Variants in RIOK2 observed in about 807,000 individuals in gnomAD.
The protein encoded by RIOK2 is RIO kinase 2.
In RIOK2, 46 loss-of-function variants were observed where a neutral mutation model predicts 62.4. The ratio of observed to expected loss-of-function variants is 0.74; its 90% CI spans 0.58 to 0.94. RIOK2 has a LOEUF of 0.94. Among genes scored for constraint, RIOK2 ranks in the 40% least tolerant of loss-of-function variants. The pLI, the probability that RIOK2 is intolerant of heterozygous loss-of-function variation, is 0.00. For synonymous variants in RIOK2, 197 were observed against 216.0 expected (o/e 0.91, Z 0.77); for missense variants, 574 against 658.0 (o/e 0.87, Z 1.40).
intron 2 of RIOK2, 36 bp downstream of exon 2, chr5:97,179,019 C>T (rs553195725): frequency 1.9e-6 from 3 of 1,612,822 alleles, no homozygotes; most frequent in Admixed American, 3.3e-5. Flanking sequence ...AAACCAATTA[C>T]CTGAAAAATC....
rs1749003917 is a variant in RIOK2, at chr5:97,171,368, G to A, written c.617C>T (p.Ala206Val). ...TTCCATAGCTTCATCATATACTGATGCAGGATCTTCAACATGGTGTATCTG... is the reference window on the plus strand; with the variant it reads ...TTCCATAGCTTCATCATATACTGATACAGGATCTTCAACATGGTGTATCTG... ...LCQIHHVEDPASVYDEAMELI... is the reference protein window; with the variant it reads ...LCQIHHVEDPVSVYDEAMELI... The change falls in exon 6 of 10, where the codon GCA becomes GTA. Residue 206 changes from alanine to valine, a missense_variant. By Grantham distance (64) the Ala-to-Val change is moderately conservative. Coordinates refer to ENST00000283109, the MANE Select transcript of RIOK2 (RefSeq NM_018343.3). The A allele has an allele frequency of 6.4e-7, 1 of 1,560,414 alleles. No individual in the cohort carries two copies. The highest frequency in any genetic ancestry group is 8.7e-7 in the Non-Finnish European group (1 of 1,153,122).
intron 4 of RIOK2, among the ~76,000 whole-genome samples, chr5:97,176,587 C>T (rs1180031260): frequency 3.3e-5 from 5 of 152,164 alleles, no homozygotes; most frequent in Admixed American, 6.5e-5. Flanking sequence ...CCGCCCACCT[C>T]GGCTTCCCAA....
rs1421421154 is a variant in RIOK2, at chr5:97,182,787, G to C, written c.66+339C>G. On this transcript the variant is annotated intron_variant, in intron 1 of 9. Transcript: ENST00000283109. Reference sequence around the variant, plus strand: ...CAATATTATCAAATCTCGGGGGGGGGGGGGGGCTTAAACCTTTCACAGCTG... The same window carrying C: ...CAATATTATCAAATCTCGGGGGGGGCGGGGGGCTTAAACCTTTCACAGCTG... 19 of 228,628 alleles carry C rather than the reference G, an allele frequency of 8.3e-5. 1 individual carries two copies. The highest frequency in any genetic ancestry group is 3.4e-4 in the African/African-American group (14 of 40,730). The allele number at this position is 228,628 out of a possible 1,614,324, so 14.2% of individuals were successfully genotyped here. A position where few individuals can be genotyped will look rare whatever the true frequency, so the allele number is the denominator to read the frequency against.
At chr5:97,174,281 G>A (rs940344063) in intron 4 of RIOK2, among the ~76,000 whole-genome samples, 2 of 152,130 alleles carry the variant, frequency 1.3e-5, no homozygotes, top group Non-Finnish European at 2.9e-5. Flanking sequence ...TTAGCCAGGC[G>A]TGGTGGCACA....
rs558320624 is a variant in RIOK2, at chr5:97,183,061, G to A, written c.66+65C>T. The A allele has an allele frequency of 8.3e-5, 129 of 1,556,698 alleles. 1 individual carries two copies. The East Asian group carries it at 2.8e-3, about 34-fold the overall frequency. ...TGCCTGCTCAGATCCCAGAAAACTT[G>A]CAGGAACAGGAAGAGGTCACACAGT... On this transcript the variant is annotated intron_variant, in intron 1 of 9. Transcript: ENST00000283109.
intron 4 of RIOK2, among the ~76,000 whole-genome samples, chr5:97,174,942 T>G (rs1247833217): frequency 6.6e-6 from 1 of 151,650 alleles, no homozygotes; most frequent in Non-Finnish European, 1.5e-5. Context: ...CCTGTGATCC[T>G]AGATACTTGG....
chr5:97,167,606 T>C lies in RIOK2; in HGVS notation c.1258A>G (p.Lys420Glu), dbSNP rs1041078418. ...NNSVTEFSEEKNRTENYNRQD... is the reference protein window; with the variant it reads ...NNSVTEFSEEENRTENYNRQD... ...CTGTTGTAATTTTCAGTTCTGTTTT[T>C]CTCCTCAGAAAATTCAGTTACAGAG... The change falls in exon 8 of 10, where the codon AAA becomes GAA. Residue 420 changes from lysine to glutamate, a missense_variant. Coordinates refer to ENST00000283109, the MANE Select transcript of RIOK2 (RefSeq NM_018343.3). 1.9e-6 allele frequency: 3 copies of C among 1,614,080 alleles called. No individual in the cohort carries two copies. The African/African-American group carries it at 4.0e-5, about 22-fold the overall frequency.
intron 1 of RIOK2, among the ~76,000 whole-genome samples, chr5:97,179,989 TAAAATATATATATATTA>T (rs1749302884): frequency 2.1e-5 from 1 of 46,736 alleles, no homozygotes; most frequent in Non-Finnish European, 3.8e-5. Context: ...TATATATATA[TAAAATATATATATATTA>T]TATATATATA....
In RIOK2 at chr5:97,171,205, C is replaced by A; in HGVS notation, c.779+1G>T. On this transcript the variant is annotated splice_donor_variant, in intron 6 of 9. Coordinates refer to ENST00000283109, the MANE Select transcript of RIOK2 (RefSeq NM_018343.3). LOFTEE classifies it high-confidence loss of function. ...AAAATAAAAAAATAGCAAGTACGTA[C>A]CACTCAGCATTGGGATGAGAAGTTG... 1 of 1,489,690 alleles carries A rather than the reference C, an allele frequency of 6.7e-7. No homozygotes were observed. The allele number at this position is 1,489,690 out of a possible 1,614,324, so 92.3% of individuals were successfully genotyped here.
Position 97,177,757 on chromosome 5 carries a change from G to T in RIOK2, c.297C>A (p.Asn99Lys). 1 of 1,610,574 alleles carries T rather than the reference G, an allele frequency of 6.2e-7. No homozygotes were observed. The highest frequency in any genetic ancestry group is 8.5e-7 in the Non-Finnish European group (1 of 1,177,042). ...CTGATTCTTTGCCAACACCCATCTG[G>T]TTTCCAACAGACTCAACTACTTGCC... ...SSRQVVESVG[N>K]QMGVGKESDI... The change falls in exon 3 of 10, where the codon AAC (asparagine) becomes AAA (lysine). Residue 99 changes from asparagine (N) to lysine (K), a missense_variant. By Grantham distance (94) the Asn-to-Lys change is moderately conservative (BLOSUM62 0). Transcript: ENST00000283109.
chr5:97,179,723 A>G (rs554537676), intron 1 of RIOK2, among the ~76,000 whole-genome samples: 11 of 147,420 alleles, frequency 7.5e-5, no homozygotes, highest in African/African-American at 2.8e-4. Flanking sequence ...CAGAAAACCA[A>G]ACACCACATT....
In RIOK2 at chr5:97,166,125, C is replaced by A. The variant is rs1580265744; in HGVS notation, c.1398-978G>T. 2.2e-5 allele frequency: 6 copies of A among 270,756 alleles called. No homozygotes were observed. The East Asian group carries it at 5.7e-4, about 26-fold the overall frequency. 16.8% of individuals were successfully genotyped at this position (270,756 alleles called of 1,614,324 possible). A position where few individuals can be genotyped will look rare whatever the true frequency, so the allele number is the denominator to read the frequency against. On this transcript the variant is annotated intron_variant, in intron 8 of 9. Transcript: ENST00000283109. ...CTTTGGATTTGGACTGGAACTGTAC[C>A]ATGGGCTCTCCTTGGTCTCTAGCTT...
chr5:97,167,259 A>C, intron 8 of RIOK2: 2 of 1,421,054 alleles, frequency 1.4e-6, no homozygotes. Flanking sequence ...CTTGAAATTT[A>C]GTCAATAGGC....
chr5:97,174,995 C>T (rs187122900), intron 4 of RIOK2, among the ~76,000 whole-genome samples: 1 of 151,844 alleles, frequency 6.6e-6, no homozygotes, highest in Admixed American at 6.6e-5. Flanking sequence ...GAGGTAGGGG[C>T]TGCAGTGAGC....
In RIOK2 at chr5:97,169,249, C is replaced by T. The variant is rs73778019; in HGVS notation, c.780-397G>A. The stretch of plus-strand genomic sequence containing the variant: ...CTATGCTTCTTATCAGCAACACTCA[C>T]TAGAACCCCTAGCCAACTGAAAGAT... On this transcript the variant is annotated intron_variant, in intron 6 of 9. Transcript: ENST00000283109. Among the ~76,000 whole-genome samples, 1,072 of 152,292 alleles carry T rather than the reference C, an allele frequency of 7.0e-3. 12 individuals carry two copies. The highest frequency in any genetic ancestry group is 0.025 in the African/African-American group (1,019 of 41,562).
intron 1 of RIOK2, among the ~76,000 whole-genome samples, chr5:97,179,977 AAT>A (rs1554083505): frequency 0.011 from 507 of 47,346 alleles, 49 homozygotes; most frequent in Non-Finnish European, 0.018. Flanking sequence ...ATATATATAT[AAT>A]ATATATATAT....
intron 6 of RIOK2, among the ~76,000 whole-genome samples, chr5:97,169,215 T>G (rs2112830415): frequency 6.6e-6 from 1 of 152,314 alleles, no homozygotes; most frequent in South Asian, 2.1e-4. Context: ...CTGTTCGTCC[T>G]GAGTCTGGCT....
intron 5 of RIOK2, among the ~76,000 whole-genome samples, chr5:97,172,378 G>GA (rs1749034247): frequency 6.6e-6 from 1 of 152,114 alleles, no homozygotes; most frequent in Non-Finnish European, 1.5e-5. Flanking sequence ...CTACTCAGGG[G>GA]AAAAACCTTG....
intron 3 of RIOK2, 51 bp from the exon 4 acceptor site, chr5:97,177,342 GT>G (rs1749198475): frequency 1.4e-6 from 2 of 1,446,986 alleles, no homozygotes; most frequent in African/African-American, 1.4e-5. Context: ...ATTCCAATCA[GT>G]TAAAACAATT....
Sources: gnomAD v4.1 joint callset for allele counts (sites outside exome capture counted in the v4.1 genomes callset) on GRCh38, gnomAD v4.1.1 for gene constraint, MANE v1.5 for transcripts, NCBI Gene and HGNC (gene_info 2026-07-23, HGNC 2026-07-21) for gene names.